The following UBE4A variants were observed in gnomAD, a reference collection of about 807,000 sequenced individuals.
The protein encoded by UBE4A is ubiquitination factor E4A.
UBE4A carries 48 observed loss-of-function variants against 117.9 expected under a neutral mutation model. The ratio of observed to expected loss-of-function variants is 0.41; its 90% CI spans 0.32 to 0.52. UBE4A has a LOEUF of 0.52. Among genes scored for constraint, UBE4A ranks in the 20% least tolerant of loss-of-function variants. The pLI is 0.33. For synonymous variants in UBE4A, 407 were observed against 450.0 expected (o/e 0.90, Z 1.21); for missense variants, 1,067 against 1,296.3 (o/e 0.82, Z 2.72).
chr11:118,379,939 T>C (rs1312832080), intron 11 of UBE4A, among the ~76,000 whole-genome samples, 189 bp downstream of exon 11: 1 of 152,206 alleles, frequency 6.6e-6, no homozygotes, highest in East Asian at 1.9e-4. Context: ...CCCTCAACCT[T>C]GTGTCCCCCT....
rs1948584988 is a variant in UBE4A, at chr11:118,368,737, G to A, written c.228G>A (p.Gln76=). The A allele has an allele frequency of 6.2e-7, 1 of 1,614,168 alleles. No homozygotes were observed. Among genetic ancestry groups the A allele is most frequent in the East Asian group, 2.2e-5 (1 of 44,888 alleles). Residue 76 remains glutamine (Q), a synonymous_variant, in exon 3 of 20, where the codon CAG becomes CAA. Coordinates refer to ENST00000252108, the MANE Select transcript of UBE4A (RefSeq NM_001204077.2). ...AEISRSFRSQ[Q]EICEQLNINH... Reference sequence around the variant, plus strand: ...TTAGCCGCTCATTCCGATCACAGCAGGAAATATGTGAGCAACTCAACATCA... The same window carrying A: ...TTAGCCGCTCATTCCGATCACAGCAAGAAATATGTGAGCAACTCAACATCA...
chr11:118,373,058 C>T (rs1948622079), intron 6 of UBE4A, 28 bp from the exon 7 acceptor site: 1 of 1,607,918 alleles, frequency 6.2e-7, no homozygotes, highest in Non-Finnish European at 8.5e-7. Context: ...CTTGTGCCCT[C>T]CTTTCTCTCT....
At position 118,399,099 on chromosome 11, in the gene UBE4A, C is replaced by G. The variant is rs1345630689; in HGVS notation, c.*2659C>G. ...AATGAAAAGGTTGATTGAAATAAAACTTGATCAACGCGACTGTATTTTGAA... is the reference window on the plus strand; with the variant it reads ...AATGAAAAGGTTGATTGAAATAAAAGTTGATCAACGCGACTGTATTTTGAA... On this transcript the variant is annotated 3_prime_UTR_variant, in exon 20 of 20. Transcript: ENST00000252108. The G allele has an allele frequency of 2.2e-6, 1 of 455,874 alleles. No homozygotes were observed. The highest frequency in any genetic ancestry group is 2.0e-5 in the African/African-American group (1 of 50,062). The allele number at this position is 455,874 out of a possible 1,614,324, so 28.2% of individuals were successfully genotyped here.
chr11:118,361,299 C>A (rs1198267581), intron 1 of UBE4A, among the ~76,000 whole-genome samples: 1 of 152,166 alleles, frequency 6.6e-6, no homozygotes, highest in Non-Finnish European at 1.5e-5. Context: ...GGATTACAGG[C>A]ATGACCTACT....
At chr11:118,363,097 A>G (rs547173082) in intron 1 of UBE4A, among the ~76,000 whole-genome samples, 119 of 152,302 alleles carry the variant, frequency 7.8e-4, no homozygotes, top group Admixed American at 5.4e-3. Flanking sequence ...CAATAAGACA[A>G]TTCTTGGTGT....
intron 9 of UBE4A, 126 bp from the exon 10 acceptor site, chr11:118,376,445 CAAA>C (rs1948653097): frequency 8.4e-6 from 11 of 1,315,360 alleles, no homozygotes; most frequent in Non-Finnish European, 1.1e-5. Context: ...TATATTCAGA[CAAA>C]GAACTAATAT....
Position 118,389,738 on chromosome 11 carries a change from CTT to C in UBE4A, c.2603_2604del (p.Phe868CysfsTer7). Reference sequence around the variant, plus strand: ...ATTCTTTTCCAGAGATCAAGTCACTCTTTGTGCATCCCTTCCTGGCTGAGCGC... The same window carrying C: ...ATTCTTTTCCAGAGATCAAGTCACTCTGTGCATCCCTTCCTGGCTGAGCGC... ...AFLTSEIKSL[F>X]VHPFLAERII... On this transcript the variant is annotated frameshift_variant, in exon 17 of 20. Coordinates refer to ENST00000252108, the MANE Select transcript of UBE4A (RefSeq NM_001204077.2). LOFTEE classifies it high-confidence loss of function. The C allele has an allele frequency of 6.2e-7, 1 of 1,607,386 alleles. No individual in the cohort carries two copies.
At chr11:118,389,445 A>G (rs1948791980) in intron 16 of UBE4A, among the ~76,000 whole-genome samples, 1 of 152,216 alleles carries the variant, frequency 6.6e-6, no homozygotes. Flanking sequence ...ATAAGGACAG[A>G]AAAGCTAGAA....
At chr11:118,365,758 C>G (rs780141987) in intron 2 of UBE4A, among the ~76,000 whole-genome samples, 14 of 152,192 alleles carry the variant, frequency 9.2e-5, no homozygotes, top group Non-Finnish European at 1.3e-4. Context: ...CCTGTTAGGA[C>G]AGACTTTTTT....
At chr11:118,386,647 G>T in intron 16 of UBE4A, 35 bp downstream of exon 16, 1 of 1,492,956 alleles carries the variant, frequency 6.7e-7, no homozygotes, top group Non-Finnish European at 8.9e-7. Flanking sequence ...CCCCAAAAAA[G>T]TAATGGCCAA....
At chr11:118,390,074 G>A (rs887214044) in intron 17 of UBE4A, among the ~76,000 whole-genome samples, 169 bp downstream of exon 17, 2 of 152,018 alleles carry the variant, frequency 1.3e-5, no homozygotes, top group Non-Finnish European at 2.9e-5. Context: ...TTTTATCTGG[G>A]CAAGGTGTCG....
chr11:118,378,379 A>G (rs1304253730), intron 10 of UBE4A: 23 of 152,238 alleles, frequency 1.5e-4, no homozygotes, highest in Non-Finnish European at 1.6e-4. Context: ...GACATTAGAT[A>G]AAGAAGATTC....
rs1948755140 is a variant in UBE4A at position 118,386,122 on chromosome 11, T to C, written c.2413-316T>C. On this transcript the variant is annotated intron_variant, in intron 15 of 19. Transcript: ENST00000252108. The stretch of plus-strand genomic sequence containing the variant: ...TCACTATAGTGTGGGGTTTTTTAGT[T>C]TTTTGTTTCTTGGCCTGGGTTTCAT... 2.6e-5 allele frequency among the ~76,000 whole-genome samples: 4 copies of C among 152,220 alleles called. No individual in the cohort carries two copies. In the South Asian group the frequency reaches 8.3e-4, roughly 32 times the overall value.
intron 10 of UBE4A, among the ~76,000 whole-genome samples, chr11:118,377,757 A>G (rs1040556928): frequency 7.9e-5 from 12 of 151,372 alleles, no homozygotes; most frequent in Non-Finnish European, 1.6e-4. Flanking sequence ...TACAAAATAT[A>G]CAAAAATTAG....
chr11:118,392,267 G>A (rs536874335), intron 18 of UBE4A, among the ~76,000 whole-genome samples: 1 of 152,246 alleles, frequency 6.6e-6, no homozygotes, highest in Non-Finnish European at 1.5e-5. Flanking sequence ...AGTTGTGAAG[G>A]AATTAAATGT....
chr11:118,376,595 T>G lies in UBE4A; in HGVS notation c.1472T>G (p.Leu491Trp). The G allele has an allele frequency of 6.2e-7, 1 of 1,614,006 alleles. No homozygotes were observed. The highest frequency in any genetic ancestry group is 8.5e-7 in the Non-Finnish European group (1 of 1,179,958). Residue 491 changes from leucine (L) to tryptophan (W), a missense_variant, in exon 10 of 20, where the codon TTG becomes TGG. Coordinates refer to ENST00000252108, the MANE Select transcript of UBE4A (RefSeq NM_001204077.2). ...TGAGGTTTGGACAAAGAAACCTGTT[T>G]GATCCCAGCTGTGCAGGAGCCGAAG... The part of the protein sequence containing the change: ...HMRGLDKETC[L>W]IPAVQEPKFP...
chr11:118,398,482 T>A lies in UBE4A; in HGVS notation c.*2042T>A, dbSNP rs547479420. Reference sequence around the variant, plus strand: ...ACTGGTAAGGAAACCAAGTGTCCTCTGTGCCTTTTTTCTTTCTGTGAAGTA... The same window carrying A: ...ACTGGTAAGGAAACCAAGTGTCCTCAGTGCCTTTTTTCTTTCTGTGAAGTA... On this transcript the variant is annotated 3_prime_UTR_variant, in exon 20 of 20. Coordinates refer to ENST00000252108, the MANE Select transcript of UBE4A (RefSeq NM_001204077.2). The A allele has an allele frequency of 6.5e-6, 1 of 152,836 alleles. No individual in the cohort carries two copies. The highest frequency in any genetic ancestry group is 2.4e-5 in the African/African-American group (1 of 41,590). The allele number at this position is 152,836 out of a possible 1,614,324, so 9.5% of individuals were successfully genotyped here. A position where few individuals can be genotyped will look rare whatever the true frequency, so the allele number is the denominator to read the frequency against.
chr11:118,387,192 C>T (rs1555127408), intron 16 of UBE4A, among the ~76,000 whole-genome samples: 2 of 151,992 alleles, frequency 1.3e-5, no homozygotes, highest in Non-Finnish European at 2.9e-5. Context: ...TCAGTAATCA[C>T]CAGACATTTG....
chr11:118,376,788 A>G lies in UBE4A; in HGVS notation c.1571+94A>G. ...TCTTTGGCCAGGCACAGTAGCTCAC[A>G]TCTTTAATCTCAGGATTTTGGGAGG... On this transcript the variant is annotated intron_variant, in intron 10 of 19. Coordinates refer to ENST00000252108, the MANE Select transcript of UBE4A (RefSeq NM_001204077.2). The G allele has an allele frequency of 1.2e-5, 17 of 1,423,960 alleles. No individual in the cohort carries two copies. In the South Asian group the frequency reaches 2.4e-4, roughly 20 times the overall value. The allele number at this position is 1,423,960 out of a possible 1,614,324, so 88.2% of individuals were successfully genotyped here.
Sources: gnomAD v4.1 joint callset for allele counts (sites outside exome capture counted in the v4.1 genomes callset) on GRCh38, gnomAD v4.1.1 for gene constraint, MANE v1.5 for transcripts, NCBI Gene and HGNC (gene_info 2026-07-23, HGNC 2026-07-21) for gene names.